The following LAMA2 variants were observed in gnomAD, a reference collection of about 807,000 sequenced individuals.
LAMA2 encodes the protein laminin subunit alpha 2.
LAMA2 carries 269 observed loss-of-function variants against 364.8 expected under a neutral mutation model. That is an observed-to-expected ratio of 0.74 (90% CI 0.67 to 0.82). The LOEUF (loss-of-function observed/expected upper bound fraction) is 0.82, where lower values mean the gene tolerates loss of function less well. Among genes scored for constraint, LAMA2 ranks in the 40% least tolerant of loss-of-function variants. The pLI is 0.00. For missense variants in LAMA2, 3,807 were observed against 3,873.2 expected (o/e 0.98, Z 0.45); for synonymous variants, 1,379 against 1,370.6 (o/e 1.01, Z -0.14).
intron 12 of LAMA2, among the ~76,000 whole-genome samples, chr6:129,244,072 C>T (rs181124829): frequency 6.6e-6 from 1 of 152,070 alleles, no homozygotes; most frequent in East Asian, 1.9e-4. Flanking sequence ...TCTAAACCAA[C>T]TTTTCTAGAA....
chr6:128,934,820 A>G (rs1049598467), intron 1 of LAMA2, among the ~76,000 whole-genome samples: 2 of 151,932 alleles, frequency 1.3e-5, no homozygotes, highest in Non-Finnish European at 2.9e-5. Context: ...TTTTTTCTAC[A>G]TTTTCTAAAA....
intron 35 of LAMA2, 57 bp from the exon 36 acceptor site, chr6:129,391,434 T>C: frequency 3.6e-6 from 5 of 1,406,166 alleles, no homozygotes; most frequent in South Asian, 1.2e-5. Context: ...CTGAATACCA[T>C]GTTTTCATGT....
intron 1 of LAMA2, among the ~76,000 whole-genome samples, chr6:128,973,217 G>C (rs1453691605): frequency 1.3e-5 from 2 of 152,176 alleles, no homozygotes; most frequent in East Asian, 3.9e-4. Context: ...CTTGGCTCCA[G>C]TGATAATGAG....
intron 14 of LAMA2, among the ~76,000 whole-genome samples, chr6:129,252,967 C>A (rs1440292583): frequency 1.3e-5 from 2 of 152,162 alleles, no homozygotes; most frequent in Non-Finnish European, 2.9e-5. Context: ...TCTTTGTTAA[C>A]ATGATATGTG....
At chr6:128,887,618 C>T (rs1203548956) in intron 1 of LAMA2, among the ~76,000 whole-genome samples, 1 of 152,068 alleles carries the variant, frequency 6.6e-6, no homozygotes, top group Non-Finnish European at 1.5e-5. Flanking sequence ...CCTGTAATCG[C>T]AGCACTTTGG....
At chr6:129,393,476 T>C (rs1779436643) in intron 37 of LAMA2, among the ~76,000 whole-genome samples, 1 of 152,196 alleles carries the variant, frequency 6.6e-6, no homozygotes, top group Non-Finnish European at 1.5e-5. Context: ...AAATAAAATT[T>C]TGATAAATTA....
chr6:128,984,197 A>T (rs138193582), intron 1 of LAMA2, among the ~76,000 whole-genome samples: 1 of 152,138 alleles, frequency 6.6e-6, no homozygotes, highest in East Asian at 1.9e-4. Context: ...TAGCCACCAC[A>T]TCTTTTTGTG....
intron 28 of LAMA2, among the ~76,000 whole-genome samples, chr6:129,327,387 G>A (rs1775362441): frequency 6.6e-6 from 1 of 151,524 alleles, no homozygotes; most frequent in Admixed American, 6.6e-5. Context: ...TCATCAATGG[G>A]CATAAGATTT....
At chr6:128,920,860 A>G (rs1258087082) in intron 1 of LAMA2, among the ~76,000 whole-genome samples, 2 of 152,180 alleles carry the variant, frequency 1.3e-5, no homozygotes, top group Non-Finnish European at 2.9e-5. Flanking sequence ...ATGAAGCACT[A>G]TAGCAAGGGA....
chr6:129,028,514 T>A (rs1582898580), intron 1 of LAMA2, among the ~76,000 whole-genome samples: 1 of 151,962 alleles, frequency 6.6e-6, no homozygotes, highest in South Asian at 2.1e-4. Context: ...TCTCACAGGG[T>A]AGACAAAGAC....
intron 3 of LAMA2, among the ~76,000 whole-genome samples, chr6:129,085,866 A>G (rs1774352316): frequency 6.6e-6 from 1 of 152,206 alleles, no homozygotes; most frequent in South Asian, 2.1e-4. Flanking sequence ...TGTCCTCTTA[A>G]AAATGGTAGC....
chr6:129,413,807 G>T (rs1780654577), intron 40 of LAMA2, among the ~76,000 whole-genome samples: 1 of 152,060 alleles, frequency 6.6e-6, no homozygotes, highest in African/African-American at 2.4e-5. Flanking sequence ...CAGATATTAG[G>T]CAAGGGTAAG....
chr6:129,192,681 T>C lies in LAMA2; in HGVS notation c.1610T>C (p.Ile537Thr). Residue 537 changes from isoleucine (I) to threonine (T), a missense_variant and splice_region_variant, in exon 12 of 65, where the codon ATA (isoleucine) becomes ACA (threonine). Ile to Thr is a moderately conservative substitution (Grantham distance 89). Coordinates refer to ENST00000421865, the MANE Select transcript of LAMA2 (RefSeq NM_000426.4). ...CQSSYWTYGK[I>T]QDMSGWYLTD... ...TGATGACTGTGTGTTTTCTCTAAGA[T>C]ACAAGATATGAGTGGCTGGTATCTG... 9 of 1,613,920 alleles carry C rather than the reference T, an allele frequency of 5.6e-6. No homozygotes were observed. Among genetic ancestry groups the C allele is most frequent in the Non-Finnish European group, 7.6e-6 (9 of 1,179,776 alleles).
At chr6:128,892,897 G>A (rs547701684) in intron 1 of LAMA2, among the ~76,000 whole-genome samples, 22 of 151,780 alleles carry the variant, frequency 1.4e-4, no homozygotes, top group Non-Finnish European at 3.1e-4. Flanking sequence ...AAATCATATA[G>A]TACTCTAACA....
At chr6:129,396,355 T>C (rs891036861) in intron 37 of LAMA2, among the ~76,000 whole-genome samples, 7 of 152,246 alleles carry the variant, frequency 4.6e-5, no homozygotes, top group African/African-American at 1.7e-4. Flanking sequence ...AGCAAAAGTT[T>C]CACAAAAATA....
intron 1 of LAMA2, among the ~76,000 whole-genome samples, chr6:128,890,789 A>G (rs1776409402): frequency 2.0e-5 from 3 of 152,258 alleles, no homozygotes; most frequent in Non-Finnish European, 2.9e-5. Flanking sequence ...ATTATACTGT[A>G]TAATGAACCC....
intron 34 of LAMA2, among the ~76,000 whole-genome samples, chr6:129,377,988 A>G (rs1289507959): frequency 6.6e-6 from 1 of 152,194 alleles, no homozygotes. Flanking sequence ...AAAAAAACCT[A>G]GTTGAGTGAA....
intron 58 of LAMA2, among the ~76,000 whole-genome samples, chr6:129,493,987 C>T (rs892470519): frequency 6.6e-6 from 1 of 152,094 alleles, no homozygotes; most frequent in African/African-American, 2.4e-5. Context: ...TCATTATTTC[C>T]AGTTATTCTT....
intron 1 of LAMA2, among the ~76,000 whole-genome samples, chr6:128,992,118 C>T (rs2114662040): frequency 6.6e-6 from 1 of 152,254 alleles, no homozygotes; most frequent in Admixed American, 6.5e-5. Context: ...CAGTTTCAGA[C>T]ATTTGTGAGG....
Sources: gnomAD v4.1 joint callset for allele counts (sites outside exome capture counted in the v4.1 genomes callset) on GRCh38, gnomAD v4.1.1 for gene constraint, MANE v1.5 for transcripts, NCBI Gene and HGNC (gene_info 2026-07-23, HGNC 2026-07-21) for gene names.